PTPRK: variants seen among roughly 807,000 people sequenced by gnomAD.
PTPRK encodes receptor-type tyrosine-protein phosphatase kappa.
In PTPRK, 75 loss-of-function variants were observed where a neutral mutation model predicts 178.0. The ratio of observed to expected loss-of-function variants is 0.42; its 90% CI spans 0.35 to 0.51. The LOEUF is 0.51. PTPRK is among the 20% of genes least tolerant of loss of function. The probability of loss-of-function intolerance (pLI) is 0.02; values close to 1 mark genes in which losing one functional copy is unlikely to be tolerated. For missense variants in PTPRK, 1,441 were observed against 1,797.8 expected (o/e 0.80, Z 3.59); for synonymous variants, 637 against 620.6 (o/e 1.03, Z -0.39).
At chr6:128,042,669 A>T (rs938450465) in intron 13 of PTPRK, among the ~76,000 whole-genome samples, 2 of 152,076 alleles carry the variant, frequency 1.3e-5, no homozygotes, top group African/African-American at 4.8e-5. Flanking sequence ...ACAACTGCAA[A>T]TTCTCTTTTT....
At chr6:128,045,852 C>G (rs1438648223) in intron 13 of PTPRK, among the ~76,000 whole-genome samples, 2 of 152,044 alleles carry the variant, frequency 1.3e-5, no homozygotes, top group South Asian at 2.1e-4. Flanking sequence ...TAAGAAATTT[C>G]TGAATAATTA....
intron 3 of PTPRK, among the ~76,000 whole-genome samples, chr6:128,274,551 T>C (rs1009562919): frequency 1.6e-4 from 25 of 152,094 alleles, no homozygotes; most frequent in African/African-American, 5.8e-4. Context: ...TAAAATTATA[T>C]CACAGCTCCT....
At chr6:128,513,583 A>G (rs1400139038) in intron 1 of PTPRK, among the ~76,000 whole-genome samples, 3 of 152,234 alleles carry the variant, frequency 2.0e-5, no homozygotes, top group African/African-American at 7.2e-5. Flanking sequence ...GGTTATCATT[A>G]ATCCTTTTGC....
Position 128,322,264 on chromosome 6 carries a change from T to C in PTPRK, c.270A>G (p.Lys90=). The C allele has an allele frequency of 1.9e-6, 3 of 1,609,398 alleles. No individual in the cohort carries two copies. In the Middle Eastern group the frequency reaches 5.0e-4, roughly 266 times the overall value. ...VDSSDHDPGE[K]ARLQLPTMKE... ...TCATTGTAGGCAGCTGAAGTCTGGCTTTTTCTCCAGGGTCGTGATCTGAAG... is the reference window on the plus strand; with the variant it reads ...TCATTGTAGGCAGCTGAAGTCTGGCCTTTTCTCCAGGGTCGTGATCTGAAG... The change falls in exon 3 of 30, where the codon AAA becomes AAG. Residue 90 remains lysine (K), a synonymous_variant. Transcript: ENST00000368226.
At chr6:128,068,015 T>C (rs937223101) in intron 11 of PTPRK, among the ~76,000 whole-genome samples, 4 of 152,152 alleles carry the variant, frequency 2.6e-5, no homozygotes, top group Non-Finnish European at 5.9e-5. Context: ...AAGAAACTGA[T>C]AAAAAGAAGA....
chr6:128,077,359 A>G (rs1005974313), intron 11 of PTPRK, among the ~76,000 whole-genome samples: 2 of 152,030 alleles, frequency 1.3e-5, no homozygotes, highest in Admixed American at 6.6e-5. Flanking sequence ...AAGTGTTTAT[A>G]TTACAAGTAC....
At chr6:128,381,233 C>T (rs978992185) in intron 2 of PTPRK, among the ~76,000 whole-genome samples, 1 of 152,096 alleles carries the variant, frequency 6.6e-6, no homozygotes, top group African/African-American at 2.4e-5. Flanking sequence ...AATTCAATAA[C>T]CCACATGGAA....
chr6:128,425,138 C>T (rs1412902881), intron 1 of PTPRK, among the ~76,000 whole-genome samples: 3 of 146,576 alleles, frequency 2.0e-5, no homozygotes, highest in African/African-American at 2.6e-5. Flanking sequence ...AGTGCAGTGG[C>T]GTGATCTCGG....
At position 128,201,013 on chromosome 6, in the gene PTPRK, C is replaced by A. The variant is rs561651663; in HGVS notation, c.869-16288G>T. 3.4e-5 allele frequency among the ~76,000 whole-genome samples: 5 copies of A among 147,714 alleles called. No individual in the cohort carries two copies. The South Asian group carries it at 1.0e-3, about 31-fold the overall frequency. ...CATTAAAAGATCCTACCTTACTGAG[C>A]CTACCCTGGAAGGTGTTTTTAATTT... On this transcript the variant is annotated intron_variant, in intron 6 of 29. Transcript: ENST00000368226.
intron 14 of PTPRK, 142 bp from the exon 15 acceptor site, chr6:128,005,386 G>T: frequency 1.6e-6 from 1 of 642,322 alleles, no homozygotes. Context: ...ACAATTTCAG[G>T]AATTAAGTTT....
At chr6:128,329,168 A>C (rs1430107823) in intron 2 of PTPRK, among the ~76,000 whole-genome samples, 1 of 152,142 alleles carries the variant, frequency 6.6e-6, no homozygotes, top group Non-Finnish European at 1.5e-5. Flanking sequence ...CTCTAATGAG[A>C]ACACTATTAG....
chr6:128,427,055 T>C (rs1002812398), intron 1 of PTPRK, among the ~76,000 whole-genome samples: 1 of 152,198 alleles, frequency 6.6e-6, no homozygotes, highest in African/African-American at 2.4e-5. Flanking sequence ...TTCCCCATCA[T>C]GTGTTCTAAC....
chr6:127,979,237 G>A (rs1399088036), intron 25 of PTPRK, among the ~76,000 whole-genome samples: 1 of 152,008 alleles, frequency 6.6e-6, no homozygotes, highest in South Asian at 2.1e-4. Flanking sequence ...GATCATGCAC[G>A]ACACTCCAGC....
At chr6:128,282,646 A>G (rs1487673759) in intron 3 of PTPRK, among the ~76,000 whole-genome samples, 1 of 152,218 alleles carries the variant, frequency 6.6e-6, no homozygotes, top group African/African-American at 2.4e-5. Flanking sequence ...TTATGTATTC[A>G]GTGTATAAAC....
intron 5 of PTPRK, among the ~76,000 whole-genome samples, chr6:128,225,306 A>C (rs1245344333): frequency 6.6e-6 from 1 of 152,152 alleles, no homozygotes; most frequent in Non-Finnish European, 1.5e-5. Context: ...ACTCAGAAAG[A>C]GCCTATTTTC....
At chr6:128,281,400 T>C (rs1821650301) in intron 3 of PTPRK, among the ~76,000 whole-genome samples, 2 of 152,168 alleles carry the variant, frequency 1.3e-5, no homozygotes, top group South Asian at 4.1e-4. Context: ...CGCACTCCTT[T>C]TTCTCCCCTC....
At chr6:128,273,008 AC>A (rs1820112305) in intron 3 of PTPRK, among the ~76,000 whole-genome samples, 1 of 152,210 alleles carries the variant, frequency 6.6e-6, no homozygotes, top group African/African-American at 2.4e-5. Context: ...GCACATATAC[AC>A]CATTGAATAC....
At chr6:128,302,165 G>T (rs548949578) in intron 3 of PTPRK, among the ~76,000 whole-genome samples, 6 of 152,106 alleles carry the variant, frequency 3.9e-5, no homozygotes, top group Admixed American at 3.9e-4. Flanking sequence ...GGGGTGGGCG[G>T]ATCACGAGGT....
chr6:128,092,204 A>G (rs1205025841), intron 7 of PTPRK, among the ~76,000 whole-genome samples: 2 of 152,182 alleles, frequency 1.3e-5, no homozygotes, highest in East Asian at 3.8e-4. Flanking sequence ...GCTTTCTAAG[A>G]ATTGACAAAG....
Sources: allele counts gnomAD v4.1 joint callset (sites outside exome capture counted in the v4.1 genomes callset), GRCh38; gene constraint gnomAD v4.1.1; transcripts MANE v1.5; gene names NCBI Gene and HGNC (gene_info 2026-07-23, HGNC 2026-07-21).